CPA6: variants seen among roughly 807,000 people sequenced by gnomAD.
CPA6 encodes carboxypeptidase B.
Under a neutral mutation model 63.3 loss-of-function variants are expected in CPA6, and 58 were observed. The ratio of observed to expected loss-of-function variants is 0.92; its 90% confidence interval spans 0.74 to 1.14. The LOEUF is 1.14. Ranked by LOEUF, CPA6 falls within the 50% of genes most tolerant of loss-of-function variation. The pLI, the probability that CPA6 is intolerant of heterozygous loss-of-function variation, is 0.00. For missense variants in CPA6, 565 were observed against 526.6 expected (o/e 1.07, Z -0.71); for synonymous variants, 185 against 179.0 (o/e 1.03, Z -0.27).
At chr8:67,479,749 C>G (rs1167023703) in intron 8 of CPA6, among the ~76,000 whole-genome samples, 1 of 152,092 alleles carries the variant, frequency 6.6e-6, no homozygotes, top group Admixed American at 6.5e-5. Context: ...CTGAAATTCT[C>G]TATATTTTCA....
intron 2 of CPA6, among the ~76,000 whole-genome samples, chr8:67,600,773 A>G (rs927646059): frequency 6.6e-6 from 1 of 152,218 alleles, no homozygotes; most frequent in Non-Finnish European, 1.5e-5. Flanking sequence ...TACGTTTTTA[A>G]TAGTTCTAGT....
At chr8:67,592,174 T>C (rs1423936144) in intron 2 of CPA6, among the ~76,000 whole-genome samples, 3 of 152,250 alleles carry the variant, frequency 2.0e-5, no homozygotes, top group Non-Finnish European at 2.9e-5. Context: ...GTTCTGTTTA[T>C]ATGCTGGATT....
chr8:67,430,182 GT>G (rs11330654), intron 9 of CPA6, among the ~76,000 whole-genome samples: 41,653 of 117,884 alleles, frequency 0.35, 10,339 homozygotes, highest in African/African-American at 0.73. Context: ...TATATATTTT[GT>G]TTTTTTTTTT....
intron 8 of CPA6, among the ~76,000 whole-genome samples, chr8:67,461,625 C>G (rs1451223540): frequency 6.6e-6 from 1 of 151,848 alleles, no homozygotes; most frequent in Non-Finnish European, 1.5e-5. Context: ...TCCTCACTTC[C>G]CAGTAGGGGC....
chr8:67,591,508 C>T (rs1415361971), intron 2 of CPA6, among the ~76,000 whole-genome samples: 4 of 152,158 alleles, frequency 2.6e-5, no homozygotes, highest in Non-Finnish European at 5.9e-5. Flanking sequence ...TTGATTCTTC[C>T]TACCCACGAG....
At chr8:67,684,895 A>G (rs866628327) in intron 1 of CPA6, among the ~76,000 whole-genome samples, 19 of 152,122 alleles carry the variant, frequency 1.2e-4, no homozygotes, top group African/African-American at 4.6e-4. Context: ...CATTAGGTCC[A>G]TTTAGCCAGA....
chr8:67,600,386 T>A (rs1814463622), intron 2 of CPA6, among the ~76,000 whole-genome samples: 1 of 152,050 alleles, frequency 6.6e-6, no homozygotes, highest in Non-Finnish European at 1.5e-5. Context: ...GATGGAGAGA[T>A]GTTGGTCAAA....
intron 1 of CPA6, among the ~76,000 whole-genome samples, chr8:67,686,568 C>T (rs1055451773): frequency 7.2e-5 from 11 of 152,310 alleles, no homozygotes; most frequent in African/African-American, 2.6e-4. Context: ...TGACCGCAAA[C>T]CCATTGTATA....
chr8:67,732,647 G>A (rs1817728427), intron 1 of CPA6: 2 of 152,532 alleles, frequency 1.3e-5, no homozygotes, highest in South Asian at 2.1e-4. Flanking sequence ...GTGGGACCTG[G>A]GAACTCGCGC....
intron 1 of CPA6, among the ~76,000 whole-genome samples, chr8:67,649,328 T>A (rs1815784849): frequency 6.6e-6 from 1 of 152,204 alleles, no homozygotes; most frequent in African/African-American, 2.4e-5. Context: ...CTGACTGAAC[T>A]AAAGAGTCTG....
intron 1 of CPA6, among the ~76,000 whole-genome samples, chr8:67,727,719 C>G (rs1274088008): frequency 2.0e-5 from 3 of 152,192 alleles, no homozygotes; most frequent in Non-Finnish European, 2.9e-5. Flanking sequence ...GGCAGTTATG[C>G]CCCTCACCTT....
chr8:67,703,101 T>A (rs546342525), intron 1 of CPA6, among the ~76,000 whole-genome samples: 4 of 152,344 alleles, frequency 2.6e-5, no homozygotes, highest in African/African-American at 9.6e-5. Context: ...CCATGTGACT[T>A]GGATATGTTC....
chr8:67,513,089 C>T (rs914984091), intron 3 of CPA6, among the ~76,000 whole-genome samples: 2 of 152,026 alleles, frequency 1.3e-5, no homozygotes, highest in Admixed American at 1.3e-4. Flanking sequence ...TTTTAGAAAT[C>T]GAGGTAAGGT....
intron 1 of CPA6, among the ~76,000 whole-genome samples, chr8:67,707,045 A>G (rs1273846990): frequency 6.6e-6 from 1 of 152,164 alleles, no homozygotes; most frequent in Non-Finnish European, 1.5e-5. Context: ...TTTCCTTGTC[A>G]ATTGTTCTTT....
Position 67,593,698 on chromosome 8 carries a change from G to C in CPA6, c.192+30478C>G, listed in dbSNP as rs1417044474. 1.6e-3 allele frequency among the ~76,000 whole-genome samples: 238 copies of C among 151,236 alleles called. 4 individuals are homozygous for C. Among genetic ancestry groups the C allele is most frequent in the African/African-American group, 5.5e-3 (228 of 41,104 alleles). ...TTAAAGTCTGTTTTATCAGAGACTA[G>C]GCTTGCAACCCCTGCCTTTTTTTGT... On this transcript the variant is annotated intron_variant, in intron 2 of 10. Coordinates refer to ENST00000297770, the MANE Select transcript of CPA6 (RefSeq NM_020361.5).
chr8:67,578,004 T>C (rs1813670645), intron 2 of CPA6, among the ~76,000 whole-genome samples: 1 of 152,212 alleles, frequency 6.6e-6, no homozygotes, highest in African/African-American at 2.4e-5. Flanking sequence ...ATTTCAAATA[T>C]TTATGGAGGC....
chr8:67,656,932 T>C (rs1473097705), intron 1 of CPA6, among the ~76,000 whole-genome samples: 4 of 152,174 alleles, frequency 2.6e-5, no homozygotes, highest in Non-Finnish European at 4.4e-5. Flanking sequence ...CTGACTCACT[T>C]GGGGGAGCTG....
chr8:67,434,130 T>G lies in CPA6; in HGVS notation c.949A>C (p.Ile317Leu), dbSNP rs1359107210. Residue 317 changes from isoleucine (I) to leucine (L), a missense_variant, in exon 9 of 11, where the codon ATT becomes CTT. By Grantham distance (5) the Ile-to-Leu change is conservative (BLOSUM62 2). Coordinates refer to ENST00000297770, the MANE Select transcript of CPA6 (RefSeq NM_020361.5). ...GCATGAAAGGAGAGATAAGCCCTAA[T>G]GTGCTTTCTGTGTTTTCGAAGGAAG... is the stretch of plus-strand genomic sequence containing the variant. The part of the protein sequence containing the change: ...ANFLRKHRKH[I>L]RAYLSFHAYA... The G allele has an allele frequency of 6.2e-7, 1 of 1,613,904 alleles. No homozygotes were observed. Among genetic ancestry groups the G allele is most frequent in the Non-Finnish European group, 8.5e-7 (1 of 1,179,922 alleles).
chr8:67,654,441 G>A (rs1335111081), intron 1 of CPA6, among the ~76,000 whole-genome samples: 2 of 152,166 alleles, frequency 1.3e-5, no homozygotes, highest in Non-Finnish European at 1.5e-5. Context: ...GGTCTATTCA[G>A]AGATTCAACT....
Sources: allele counts gnomAD v4.1 joint callset (sites outside exome capture counted in the v4.1 genomes callset), GRCh38; gene constraint gnomAD v4.1.1; transcripts MANE v1.5; gene names NCBI Gene and HGNC (gene_info 2026-07-23, HGNC 2026-07-21).